The following SLC5A6 variants were observed in gnomAD, a reference collection of about 807,000 sequenced individuals.
The protein encoded by SLC5A6 is solute carrier family 5 member 6, also known as sodium-dependent multivitamin transporter.
A neutral mutation model predicts 67.9 loss-of-function variants in SLC5A6; 31 were observed. The observed-to-expected ratio is 0.46, with a 90% CI of 0.34 to 0.62. The LOEUF is 0.62. Among genes scored for constraint, SLC5A6 ranks in the 20% least tolerant of loss-of-function variants. SLC5A6 has a pLI of 0.01. For missense variants in SLC5A6, 673 were observed against 812.8 expected (o/e 0.83, Z 2.09); for synonymous variants, 343 against 331.0 (o/e 1.04, Z -0.39).
chr2:27,204,638 C>T (rs769577331), intron 8 of SLC5A6, 48 bp from the exon 9 acceptor site: 2 of 1,607,868 alleles, frequency 1.2e-6, no homozygotes, highest in Admixed American at 3.3e-5. Flanking sequence ...TAACAGACAC[C>T]CTCAGGTGTG....
At chr2:27,212,514 G>A (rs1346193942), upstream of SLC5A6, 1 of 1,512,940 alleles carries the variant, frequency 6.6e-7, no homozygotes, top group South Asian at 1.3e-5. Context: ...TCGCTGGCCA[G>A]CCGTGCGTCG....
intron 2 of SLC5A6, among the ~76,000 whole-genome samples, chr2:27,210,431 C>T (rs1358334854): frequency 6.6e-6 from 1 of 151,624 alleles, no homozygotes; most frequent in South Asian, 2.1e-4. Context: ...TTGTGGGACC[C>T]CCCCCCCTTT....
chr2:27,203,178 T>G (rs778836402), intron 11 of SLC5A6, 55 bp downstream of exon 11: 50 of 1,606,306 alleles, frequency 3.1e-5, no homozygotes, highest in Admixed American at 5.2e-5. Flanking sequence ...ATGACAATGG[T>G]CAGGATGAAG....
chr2:27,207,404 C>T lies in SLC5A6; in HGVS notation c.247G>A (p.Val83Met), dbSNP rs1399464185. ...LSLLATFQSAVAILGVPSEIY... is the reference protein window; with the variant it reads ...LSLLATFQSAMAILGVPSEIY... ...TCTGACGGCACACCCAGGATGGCCA[C>T]GGCTGACTGGAAGGTGGCCAGCAGG... Residue 83 changes from valine (V) to methionine (M), a missense_variant, in exon 3 of 17, where the codon GTG becomes ATG. Val to Met is a conservative substitution (Grantham distance 21). Coordinates refer to ENST00000310574, the MANE Select transcript of SLC5A6 (RefSeq NM_021095.4). The surrounding 1 kb of genome is among the most constrained non-coding windows in gnomAD (Gnocchi z 5.5). 6 of 1,614,056 alleles carry T rather than the reference C, an allele frequency of 3.7e-6. No individual in the cohort carries two copies. The highest frequency in any genetic ancestry group is 3.3e-5 in the Admixed American group (2 of 60,012).
In SLC5A6 at chr2:27,200,457, G is replaced by C. The variant is rs41288805; in HGVS notation, c.1887C>G (p.Ile629Met). ...AACATCACAGGGAGGTCTCCTGGAG[G>C]ATGCAGGTGGAGCTGCTCCCCTGAT... ...TAYQGSSSTC[I>M]LQETSL Residue 629 changes from isoleucine (I) to methionine (M), a missense_variant, in exon 17 of 17, where the codon ATC (isoleucine) becomes ATG (methionine). By Grantham distance (10) the Ile-to-Met change is conservative (BLOSUM62 1). Coordinates refer to ENST00000310574, the MANE Select transcript of SLC5A6 (RefSeq NM_021095.4). 96 of 1,613,280 alleles carry C rather than the reference G, an allele frequency of 6.0e-5. No homozygotes were observed. Among genetic ancestry groups the C allele is most frequent in the Non-Finnish European group, 8.0e-5 (94 of 1,179,492 alleles).
At chr2:27,212,345 A>T (rs369544433), upstream of SLC5A6, 81 of 1,549,694 alleles carry the variant, frequency 5.2e-5, 1 homozygote, top group African/African-American at 1.0e-3. Context: ...TCGCGCGAGC[A>T]GCGGAGCACC....
chr2:27,200,744 G>C (rs1201833431), intron 16 of SLC5A6, among the ~76,000 whole-genome samples, 165 bp from the exon 17 acceptor site: 2 of 152,214 alleles, frequency 1.3e-5, no homozygotes, highest in Non-Finnish European at 2.9e-5. Flanking sequence ...GGGAGCACAG[G>C]GTGGGCTGGG....
chr2:27,206,607 G>T, intron 4 of SLC5A6, 73 bp from the exon 5 acceptor site: 1 of 1,361,178 alleles, frequency 7.3e-7, no homozygotes, highest in Non-Finnish European at 1.1e-6. Context: ...ATGGGCCTCA[G>T]CGCCAATATG....
intron 4 of SLC5A6, 58 bp from the exon 5 acceptor site, chr2:27,206,592 G>C: frequency 6.6e-7 from 1 of 1,507,612 alleles, no homozygotes; most frequent in Non-Finnish European, 9.2e-7. Flanking sequence ...GAGAGAGGAA[G>C]AAAGATGGGC....
intron 13 of SLC5A6, 53 bp from the exon 14 acceptor site, chr2:27,201,900 G>A (rs766036793): frequency 1.7e-5 from 27 of 1,610,164 alleles, no homozygotes; most frequent in East Asian, 1.3e-4. Flanking sequence ...CAGCCCTCAC[G>A]GCAGTCCTCA....
chr2:27,206,361 C>A (rs1432020986), intron 5 of SLC5A6, 122 bp downstream of exon 5: 8 of 919,976 alleles, frequency 8.7e-6, no homozygotes, highest in South Asian at 1.5e-5. Context: ...AGGGCCCAAG[C>A]GGTGAATTAA....
intron 5 of SLC5A6, 172 bp downstream of exon 5, chr2:27,206,311 T>C (rs781088541): frequency 1.7e-4 from 117 of 708,170 alleles, no homozygotes; most frequent in Non-Finnish European, 2.4e-4. Context: ...TAGCTGTCAA[T>C]TGAGGTGGAC....
At position 27,200,410 on chromosome 2, in the gene SLC5A6, G is replaced by A. The variant is rs770882962; in HGVS notation, c.*26C>T. 41 of 1,595,778 alleles carry A rather than the reference G, an allele frequency of 2.6e-5. No homozygotes were observed. In the Admixed American group the frequency reaches 3.4e-4, roughly 13 times the overall value. On this transcript the variant is annotated 3_prime_UTR_variant, in exon 17 of 17. Transcript: ENST00000310574. ...TCTGGCTATGGCCTGGCACAGTGAG[G>A]ACAGAGGCGGGGTCCTGAGTCAACA...
Position 27,207,492 on chromosome 2 carries a change from C to G in SLC5A6, c.159G>C (p.Arg53=). The change falls in exon 3 of 17, where the codon CGG becomes CGC. Residue 53 remains arginine (R), a synonymous_variant. Transcript: ENST00000310574. The surrounding 1 kb of genome is among the most constrained non-coding windows in gnomAD (Gnocchi z 5.5). ...GLYHACRGWG[R]HTVGELLMAD... Reference sequence around the variant, plus strand: ...CCATCAGCAGCTCACCAACAGTATGCCGGCCCCAGCCACGACAAGCATGGT... The same window carrying G: ...CCATCAGCAGCTCACCAACAGTATGGCGGCCCCAGCCACGACAAGCATGGT... 1.2e-6 allele frequency: 2 copies of G among 1,614,192 alleles called. No individual in the cohort carries two copies. Among genetic ancestry groups the G allele is most frequent in the African/African-American group, 1.3e-5 (1 of 75,046 alleles).
chr2:27,200,916 A>T (rs1572380496), intron 16 of SLC5A6, 82 bp downstream of exon 16: 4 of 908,544 alleles, frequency 4.4e-6, no homozygotes, highest in South Asian at 3.1e-5. Context: ...AGGGGGAGAG[A>T]AAAGGGGTAG....
rs368885578 is a variant in SLC5A6 at position 27,202,884 on chromosome 2, G to A, written c.1208-4C>T. ...CAAAGCAGCCCATAGCCAAAGGCTG[G>A]GGGAAAAGGACAGGAGAGGAAACAA... is the stretch of plus-strand genomic sequence containing the variant. On this transcript the variant is annotated splice_polypyrimidine_tract_variant and splice_region_variant and intron_variant, in intron 11 of 16. Coordinates refer to ENST00000310574, the MANE Select transcript of SLC5A6 (RefSeq NM_021095.4). 2 of 1,613,526 alleles carry A rather than the reference G, an allele frequency of 1.2e-6. No individual in the cohort carries two copies. The highest frequency in any genetic ancestry group is 2.7e-5 in the African/African-American group (2 of 74,876).
intron 5 of SLC5A6, 111 bp downstream of exon 5, chr2:27,206,372 T>C (rs1674064947): frequency 9.7e-7 from 1 of 1,031,252 alleles, no homozygotes; most frequent in African/African-American, 1.6e-5. Flanking sequence ...GGTGAATTAA[T>C]TCCCCATTCA....
In SLC5A6 at chr2:27,201,660, C is replaced by T; in HGVS notation, c.1544+6G>A. ...GAAAACAAGAAGATAGCAAGCCCTG[C>T]CTTACTTGGAGAAGGTAGTCAAGGG... On this transcript the variant is annotated splice_donor_region_variant and intron_variant, in intron 14 of 16. Transcript: ENST00000310574. 6.2e-7 allele frequency: 1 copy of T among 1,612,820 alleles called. No individual in the cohort carries two copies. Among genetic ancestry groups the T allele is most frequent in the Non-Finnish European group, 8.5e-7 (1 of 1,178,990 alleles).
At chr2:27,212,647 G>A (rs1674632260), upstream of SLC5A6, 6 of 1,398,738 alleles carry the variant, frequency 4.3e-6, 1 homozygote, top group South Asian at 6.6e-5. Flanking sequence ...GGCCTTCGGC[G>A]CCCCAGTCCT....
Sources: allele counts gnomAD v4.1 joint callset (sites outside exome capture counted in the v4.1 genomes callset), GRCh38; gene constraint gnomAD v4.1.1; non-coding constraint Gnocchi (gnomAD v3.1); transcripts MANE v1.5; gene names NCBI Gene and HGNC (gene_info 2026-07-23, HGNC 2026-07-21).